RBBP8NL: variants seen among roughly 807,000 people sequenced by gnomAD.
The protein encoded by RBBP8NL is RBBP8 N-terminal-like protein.
A neutral mutation model predicts 62.2 loss-of-function variants in RBBP8NL; 59 were observed. That is an observed-to-expected ratio of 0.95 (90% CI 0.77 to 1.18). RBBP8NL has a LOEUF of 1.18. RBBP8NL is among the 50% of genes most tolerant of loss of function. The pLI is 0.00. For missense variants in RBBP8NL, 896 were observed against 899.5 expected, an observed-to-expected ratio of 1.00 and a Z score of 0.05; for synonymous variants, 412 against 394.1, an observed-to-expected ratio of 1.05 and a Z score of -0.54.
chr20:62,417,432 G>A (rs1354282191), intron 3 of RBBP8NL, 113 bp from the exon 4 acceptor site: 6 of 789,928 alleles, frequency 7.6e-6, no homozygotes, highest in Non-Finnish European at 1.2e-5. Context: ...CCTTGGTCTG[G>A]GGGCAACGCC....
chr20:62,418,797 G>C (rs985739641), intron 2 of RBBP8NL, among the ~76,000 whole-genome samples: 1 of 152,182 alleles, frequency 6.6e-6, no homozygotes, highest in African/African-American at 2.4e-5. Flanking sequence ...GTGTGTGTGT[G>C]TGTCATAGCT....
intron 5 of RBBP8NL, 57 bp from the exon 6 acceptor site, chr20:62,416,293 G>A (rs1988565024): frequency 7.1e-6 from 5 of 701,044 alleles, no homozygotes; most frequent in Admixed American, 2.3e-5. Context: ...AGGGGCAGGG[G>A]TGGGGTCGTC....
Position 62,417,270 on chromosome 20 carries a change from C to G in RBBP8NL, c.154G>C (p.Glu52Gln). Residue 52 changes from glutamate (E) to glutamine (Q), a missense_variant, in exon 4 of 14, where the codon GAA becomes CAA. By Grantham distance (29) the Glu-to-Gln change is conservative. Coordinates refer to ENST00000252998, the MANE Select transcript of RBBP8NL (RefSeq NM_080833.3). ...TTCTCCTTCAGTGTCTTCTGCTGTT[C>G]CCGGAGCTGGTGGTTCTTGGAGAAG... ...ELFSKNHQLR[E>Q]QQKTLKENLR... 6.2e-7 allele frequency: 1 copy of G among 1,606,646 alleles called. No homozygotes were observed. Among genetic ancestry groups the G allele is most frequent in the South Asian group, 1.1e-5 (1 of 89,352 alleles).
At chr20:62,420,787 C>T (rs1988681317) in intron 1 of RBBP8NL, among the ~76,000 whole-genome samples, 1 of 152,230 alleles carries the variant, frequency 6.6e-6, no homozygotes, top group Non-Finnish European at 1.5e-5. Context: ...GGTCACAGGC[C>T]CCCTCCCTCC....
chr20:62,419,371 G>T (rs1043058226), intron 2 of RBBP8NL, among the ~76,000 whole-genome samples: 5 of 152,110 alleles, frequency 3.3e-5, no homozygotes, highest in African/African-American at 4.8e-5. Flanking sequence ...GGACATCCCC[G>T]CTTGAGGTCA....
At position 62,416,850 on chromosome 20, in the gene RBBP8NL, G is replaced by A. The variant is rs1006607328; in HGVS notation, c.223C>T (p.Arg75Cys). 8.3e-6 allele frequency: 13 copies of A among 1,571,840 alleles called. No individual in the cohort carries two copies. The highest frequency in any genetic ancestry group is 4.7e-5 in the East Asian group (2 of 42,802). Residue 75 changes from arginine (R) to cysteine (C), a missense_variant, in exon 5 of 14, where the codon CGC becomes TGC. Coordinates refer to ENST00000252998, the MANE Select transcript of RBBP8NL (RefSeq NM_080833.3). ...GCCAGCTCCTGGGTGACCATGCAGCGGTCGCACAGGCCGGCCCGCAGCCTG... is the reference window on the plus strand; with the variant it reads ...GCCAGCTCCTGGGTGACCATGCAGCAGTCGCACAGGCCGGCCCGCAGCCTG... ...ENRLRAGLCD[R>C]CMVTQELARK...
chr20:62,427,212 C>G (rs555744025), intron 1 of RBBP8NL, among the ~76,000 whole-genome samples: 1 of 152,358 alleles, frequency 6.6e-6, no homozygotes, highest in African/African-American at 2.4e-5. Flanking sequence ...TGGTGCCAGA[C>G]TAGGCCTGGC....
rs1021410621 is a variant in RBBP8NL, at chr20:62,414,048, C to A, written c.1303G>T (p.Asp435Tyr). Residue 435 changes from aspartate (D) to tyrosine (Y), a missense_variant, in exon 10 of 14, where the codon GAC (aspartate) becomes TAC (tyrosine). Coordinates refer to ENST00000252998, the MANE Select transcript of RBBP8NL (RefSeq NM_080833.3). Reference protein sequence around the residue: ...AQRTEAAATQDCALDKPLDLS... With the variant: ...AQRTEAAATQYCALDKPLDLS... Reference sequence around the variant, plus strand: ...TCCAGGGGCTTGTCTAGGGCACAGTCCTGCGTGGCTGCAGCCTCTGTCCTC... The same window carrying A: ...TCCAGGGGCTTGTCTAGGGCACAGTACTGCGTGGCTGCAGCCTCTGTCCTC... 3 of 1,593,454 alleles carry A rather than the reference C, an allele frequency of 1.9e-6. No individual in the cohort carries two copies. The highest frequency in any genetic ancestry group is 2.3e-5 in the East Asian group (1 of 43,880).
chr20:62,425,963 TAGC>T (rs1432536937), intron 1 of RBBP8NL, among the ~76,000 whole-genome samples: 6 of 144,954 alleles, frequency 4.1e-5, no homozygotes, highest in Admixed American at 1.4e-4. Context: ...GGGAGTGGCA[TAGC>T]AGTGGCAGTG....
At chr20:62,426,923 C>A (rs908126511) in intron 1 of RBBP8NL, among the ~76,000 whole-genome samples, 3 of 152,356 alleles carry the variant, frequency 2.0e-5, no homozygotes, top group Non-Finnish European at 2.9e-5. Context: ...TCCTGCCCTG[C>A]CGGCTGGCTC....
At chr20:62,423,485 A>G (rs1040492620) in intron 1 of RBBP8NL, among the ~76,000 whole-genome samples, 8 of 152,128 alleles carry the variant, frequency 5.3e-5, no homozygotes, top group African/African-American at 1.9e-4. Flanking sequence ...GAGGGGGCGG[A>G]GCTGCAGCTC....
intron 11 of RBBP8NL, 122 bp downstream of exon 11, chr20:62,413,279 C>T (rs1988476629): frequency 1.6e-6 from 2 of 1,250,566 alleles, no homozygotes; most frequent in Non-Finnish European, 1.1e-6. Context: ...GTTGCCCCGT[C>T]AGATCGGCAG....
chr20:62,421,538 C>T (rs111212471), intron 1 of RBBP8NL, among the ~76,000 whole-genome samples: 1 of 126,522 alleles, frequency 7.9e-6, no homozygotes, highest in Admixed American at 8.3e-5. Flanking sequence ...GTGTGCACAC[C>T]CAAGTCAGTG....
In RBBP8NL at chr20:62,417,216, A is replaced by C; in HGVS notation, c.200+8T>G. ...TGGCCATGCTGCGAGGTGTCCTCCCAGGCCCACCTGTTCTCCAGCACCCGC... is the reference window on the plus strand; with the variant it reads ...TGGCCATGCTGCGAGGTGTCCTCCCCGGCCCACCTGTTCTCCAGCACCCGC... On this transcript the variant is annotated splice_region_variant and intron_variant, in intron 4 of 13. Transcript: ENST00000252998. The C allele has an allele frequency of 6.3e-7, 1 of 1,590,554 alleles. No individual in the cohort carries two copies. Among genetic ancestry groups the C allele is most frequent in the Admixed American group, 1.8e-5 (1 of 57,138 alleles).
chr20:62,413,495 G>C lies in RBBP8NL; in HGVS notation c.1581C>G (p.Gly527=). The change falls in exon 11 of 14, where the codon GGC becomes GGG. Residue 527 remains glycine, a synonymous_variant. Coordinates refer to ENST00000252998, the MANE Select transcript of RBBP8NL (RefSeq NM_080833.3). ...PGSQLSLSSP[G]STEDEDTGRP... ...TCCCTGTGTCTTCATCTTCTGTACT[G>C]CCTGGAGAGGACAGGCTGAGCTGGG... is the stretch of plus-strand genomic sequence containing the variant. 1 of 1,517,050 alleles carries C rather than the reference G, an allele frequency of 6.6e-7. No homozygotes were observed. The highest frequency in any genetic ancestry group is 8.8e-7 in the Non-Finnish European group (1 of 1,139,636). The allele number at this position is 1,517,050 out of a possible 1,614,324, so 94.0% of individuals were successfully genotyped here.
intron 13 of RBBP8NL, among the ~76,000 whole-genome samples, chr20:62,412,161 C>G (rs192898214): frequency 6.6e-6 from 1 of 152,224 alleles, no homozygotes; most frequent in Non-Finnish European, 1.5e-5. Flanking sequence ...AGCAAACGTG[C>G]CCCCATGCCC....
At chr20:62,423,505 C>A (rs1208660826) in intron 1 of RBBP8NL, among the ~76,000 whole-genome samples, 1 of 152,200 alleles carries the variant, frequency 6.6e-6, no homozygotes, top group East Asian at 1.9e-4. Context: ...CCTGAAACTC[C>A]CCCCAGACCC....
At chr20:62,427,300 G>A (rs544720825) in intron 1 of RBBP8NL, among the ~76,000 whole-genome samples, 160 bp downstream of exon 1, 1 of 152,320 alleles carries the variant, frequency 6.6e-6, no homozygotes, top group African/African-American at 2.4e-5. Context: ...GAGCAGCCTT[G>A]TGCCACCCCT....
rs1308216417 is a variant in RBBP8NL, at chr20:62,415,322, A to AGCCTGGGCGGGGGCC, written c.628-36_628-35insGGCCCCCGCCCAGGC. ...TGGGTGGGTCAGCCTGGGCGGGGGC[A>AGCCTGGGCGGGGGCC]TGCGTGGCCTCTGCTGTGGCCTCTG... On this transcript the variant is annotated intron_variant, in intron 8 of 13. Transcript: ENST00000252998. 4 of 1,543,994 alleles carry AGCCTGGGCGGGGGCC rather than the reference A, an allele frequency of 2.6e-6. No homozygotes were observed. In the Admixed American group the frequency reaches 7.6e-5, roughly 29 times the overall value.
Sources: gnomAD v4.1 joint callset for allele counts (sites outside exome capture counted in the v4.1 genomes callset) on GRCh38, gnomAD v4.1.1 for gene constraint, MANE v1.5 for transcripts, NCBI Gene and HGNC (gene_info 2026-07-23, HGNC 2026-07-21) for gene names.